Variants in STAC observed in about 807,000 individuals in gnomAD.
STAC encodes SH3 and cysteine-rich domain-containing protein.
STAC carries 43 observed loss-of-function variants against 48.8 expected under a neutral mutation model. The ratio of observed to expected loss-of-function variants is 0.88; its 90% CI spans 0.69 to 1.14. The LOEUF (loss-of-function observed/expected upper bound fraction) is 1.14, where lower values mean the gene tolerates loss of function less well. Among genes scored for constraint, STAC ranks in the 50% most tolerant of loss-of-function variants. The pLI is 0.00. For synonymous variants in STAC, 193 were observed against 179.5 expected (o/e 1.07, Z -0.60); for missense variants, 497 against 504.0 (o/e 0.99, Z 0.13).
At chr3:36,468,389 G>A (rs1010632816) in intron 2 of STAC, among the ~76,000 whole-genome samples, 3 of 151,946 alleles carry the variant, frequency 2.0e-5, no homozygotes, top group Non-Finnish European at 4.4e-5. Flanking sequence ...TGGGTAGAAT[G>A]TTCTGTAAAT....
At chr3:36,525,037 G>T (rs182125797) in intron 8 of STAC, among the ~76,000 whole-genome samples, 5 of 152,114 alleles carry the variant, frequency 3.3e-5, no homozygotes, top group Admixed American at 1.3e-4. Flanking sequence ...ATACATATGT[G>T]ATATGTTTAT....
chr3:36,386,958 T>A (rs1164409226), intron 1 of STAC, among the ~76,000 whole-genome samples: 1 of 152,036 alleles, frequency 6.6e-6, no homozygotes, highest in East Asian at 1.9e-4. Flanking sequence ...AATCTATAAA[T>A]CCATGTGGAG....
intron 8 of STAC, among the ~76,000 whole-genome samples, chr3:36,513,561 C>A (rs1306685657): frequency 6.6e-6 from 1 of 152,154 alleles, no homozygotes; most frequent in Admixed American, 6.5e-5. Flanking sequence ...GTACAGTGTT[C>A]TGGGCTTCAT....
intron 8 of STAC, among the ~76,000 whole-genome samples, chr3:36,510,716 C>T (rs1218666115): frequency 6.6e-6 from 1 of 151,968 alleles, no homozygotes; most frequent in Non-Finnish European, 1.5e-5. Flanking sequence ...AACAGAAAAC[C>T]AAACGCCGCA....
chr3:36,404,968 A>C (rs1204466455), intron 1 of STAC, among the ~76,000 whole-genome samples: 1 of 152,194 alleles, frequency 6.6e-6, no homozygotes, highest in Non-Finnish European at 1.5e-5. Context: ...TTTTGTCATC[A>C]CTTTAAATGG....
chr3:36,482,907 G>T (rs1371046669), intron 2 of STAC, 85 bp from the exon 3 acceptor site: 14 of 861,188 alleles, frequency 1.6e-5, no homozygotes, highest in African/African-American at 1.5e-4. Flanking sequence ...GAATTACCTG[G>T]GGAACCTCAT....
intron 5 of STAC, among the ~76,000 whole-genome samples, chr3:36,487,328 G>A (rs1448485031): frequency 6.6e-6 from 1 of 152,226 alleles, no homozygotes; most frequent in Non-Finnish European, 1.5e-5. Context: ...AGGATTATAG[G>A]TCCTCTGCCT....
chr3:36,491,847 C>G (rs1697975363), intron 5 of STAC, among the ~76,000 whole-genome samples: 1 of 149,590 alleles, frequency 6.7e-6, no homozygotes, highest in Non-Finnish European at 1.5e-5. Flanking sequence ...AATCCTGTCT[C>G]TACCAAAAAT....
chr3:36,403,527 A>G (rs1700037306), intron 1 of STAC, among the ~76,000 whole-genome samples: 1 of 152,152 alleles, frequency 6.6e-6, no homozygotes. Context: ...TATATGTTCA[A>G]ATTGAAAGGA....
intron 6 of STAC, among the ~76,000 whole-genome samples, chr3:36,501,448 A>C (rs1311996960): frequency 6.7e-6 from 1 of 149,108 alleles, no homozygotes. Flanking sequence ...GATGAAACAA[A>C]AATAAATACA....
At chr3:36,486,566 G>C (rs1697822606) in intron 5 of STAC, among the ~76,000 whole-genome samples, 1 of 152,120 alleles carries the variant, frequency 6.6e-6, no homozygotes, top group Non-Finnish European at 1.5e-5. Flanking sequence ...ATACAGAAAT[G>C]TTTGGCTCAA....
At chr3:36,540,080 C>T (rs1272874119) in intron 10 of STAC, among the ~76,000 whole-genome samples, 1 of 151,946 alleles carries the variant, frequency 6.6e-6, no homozygotes, top group African/African-American at 2.4e-5. Context: ...ATGATGGAAG[C>T]CGGGGTCAGA....
At chr3:36,415,081 T>G (rs1172442542) in intron 1 of STAC, among the ~76,000 whole-genome samples, 1 of 152,184 alleles carries the variant, frequency 6.6e-6, no homozygotes, top group Non-Finnish European at 1.5e-5. Context: ...CTGCCCCTAC[T>G]GGGGAGTGCC....
At chr3:36,502,378 T>G (rs532185458) in intron 6 of STAC, among the ~76,000 whole-genome samples, 3 of 152,208 alleles carry the variant, frequency 2.0e-5, no homozygotes, top group African/African-American at 2.4e-5. Flanking sequence ...ATGGTTGGAA[T>G]AGGTTTAAAA....
intron 1 of STAC, among the ~76,000 whole-genome samples, chr3:36,388,110 A>C (rs1699663695): frequency 6.6e-6 from 1 of 152,114 alleles, no homozygotes; most frequent in African/African-American, 2.4e-5. Context: ...CTTTGGAGAA[A>C]TATCTAGTCA....
At chr3:36,509,455 T>A (rs1439140089) in intron 8 of STAC, among the ~76,000 whole-genome samples, 1 of 152,022 alleles carries the variant, frequency 6.6e-6, no homozygotes, top group African/African-American at 2.4e-5. Flanking sequence ...GCTTGTCTTG[T>A]TAGTTTGGGG....
rs1696408870 is a variant in STAC, at chr3:36,443,297, AC to A, written c.112-62del. ...CTGTGTAGTGCACACAGCAGACCTT[AC>A]CCCCACAGCCTAGGTCTGCTTGATC... is the stretch of plus-strand genomic sequence containing the variant. On this transcript the variant is annotated intron_variant, in intron 1 of 10. Coordinates refer to ENST00000273183, the MANE Select transcript of STAC (RefSeq NM_003149.3). The surrounding 1 kb of genome is among the most constrained non-coding windows in gnomAD (Gnocchi z 4.2). The A allele has an allele frequency of 2.3e-5, 36 of 1,575,014 alleles. No homozygotes were observed. The South Asian group carries it at 4.0e-4, about 17-fold the overall frequency.
intron 1 of STAC, among the ~76,000 whole-genome samples, chr3:36,429,515 C>G (rs937856047): frequency 6.6e-6 from 1 of 152,304 alleles, no homozygotes; most frequent in East Asian, 1.9e-4. Flanking sequence ...TTCTCTCTCT[C>G]TGTCCATAAG....
intron 1 of STAC, among the ~76,000 whole-genome samples, chr3:36,393,985 G>A (rs547730308): frequency 9.9e-5 from 15 of 152,114 alleles, no homozygotes; most frequent in African/African-American, 3.6e-4. Flanking sequence ...TGGCGGTGGG[G>A]GAGAGATCTG....
Sources: gnomAD v4.1 joint callset for allele counts (sites outside exome capture counted in the v4.1 genomes callset) on GRCh38, gnomAD v4.1.1 for gene constraint, Gnocchi (gnomAD v3.1) non-coding constraint, MANE v1.5 for transcripts, NCBI Gene and HGNC (gene_info 2026-07-23, HGNC 2026-07-21) for gene names.